Variants in GFM2 observed in about 807,000 individuals in gnomAD.
GFM2 encodes ribosome-releasing factor 2, mitochondrial.
In GFM2, 72 loss-of-function variants were observed where a neutral mutation model predicts 95.4. The ratio of observed to expected loss-of-function variants is 0.76; its 90% CI spans 0.62 to 0.92. The LOEUF (loss-of-function observed/expected upper bound fraction) is 0.92. GFM2 is among the 40% of genes least tolerant of loss of function. The pLI is 0.00. For synonymous variants in GFM2, 276 were observed against 317.5 expected, an observed-to-expected ratio of 0.87 and a Z score of 1.39; for missense variants, 825 against 924.1, an observed-to-expected ratio of 0.89 and a Z score of 1.39.
rs112221111 is a variant in GFM2, at chr5:74,742,672, CTT to C, written c.850-1065_850-1064del. Among the ~76,000 whole-genome samples the C allele has an allele frequency of 4.8e-5, 7 of 146,826 alleles. No homozygotes were observed. In the South Asian group the frequency reaches 1.1e-3, roughly 22 times the overall value. On this transcript the variant is annotated intron_variant, in intron 10 of 20. Transcript: ENST00000296805. ...ACAACATAAAGTTTACCATTGTACT[CTT>C]TTTTTTTTTTGATACGGAGTCTGGC...
At chr5:74,741,673 A>T (rs1322636159) in intron 10 of GFM2, 64 bp from the exon 11 acceptor site, 7 of 764,596 alleles carry the variant, frequency 9.2e-6, no homozygotes, top group Non-Finnish European at 1.5e-5. Context: ...TAATTTGTCC[A>T]AACACCATAA....
Position 74,721,511 on chromosome 5 carries a change from A to C in GFM2, c.*144T>G. 1 of 968,846 alleles carries C rather than the reference A, an allele frequency of 1.0e-6. No homozygotes were observed. The highest frequency in any genetic ancestry group is 2.4e-5 in the East Asian group (1 of 41,794). 60.0% of individuals were successfully genotyped at this position (968,846 alleles called of 1,614,324 possible). A position where few individuals can be genotyped will look rare whatever the true frequency, so the allele number is the denominator to read the frequency against. On this transcript the variant is annotated 3_prime_UTR_variant, in exon 21 of 21. Coordinates refer to ENST00000296805, the MANE Select transcript of GFM2 (RefSeq NM_032380.5). ...ACGGGTGGCTCCAGTGCCACTATCA[A>C]AGCTTAAGTTATATCTTTTATCTAG...
Position 74,745,758 on chromosome 5 carries a change from CAA to C in GFM2, c.767_768del (p.Phe256Ter). On this transcript the variant is annotated frameshift_variant, in exon 10 of 21. Coordinates refer to ENST00000296805, the MANE Select transcript of GFM2 (RefSeq NM_032380.5). LOFTEE classifies it high-confidence loss of function. ...TTCATTTCCAAGAGGGGCTTTCTCT[CAA>C]AGTCTTTTCCATCATTTGAATTGCA... ...WNCNSNDGKD[F>X]ERKPLLEMND... 3 of 1,613,882 alleles carry C rather than the reference CAA, an allele frequency of 1.9e-6. No homozygotes were observed. The highest frequency in any genetic ancestry group is 2.2e-5 in the South Asian group (2 of 91,074).
At chr5:74,722,771 T>C (rs988674960) in intron 19 of GFM2, 29 of 429,318 alleles carry the variant, frequency 6.8e-5, no homozygotes, top group Non-Finnish European at 1.1e-4. Context: ...TGCAAGGGGA[T>C]GTTTATAAAA....
intron 5 of GFM2, among the ~76,000 whole-genome samples, chr5:74,758,633 C>T (rs1744116633): frequency 6.6e-6 from 1 of 152,128 alleles, no homozygotes; most frequent in African/African-American, 2.4e-5. Flanking sequence ...GACGAGTGTC[C>T]AGTGGGGCCT....
chr5:74,721,854 T>C, intron 20 of GFM2, 71 bp from the exon 21 acceptor site: 2 of 1,434,580 alleles, frequency 1.4e-6, no homozygotes, highest in Non-Finnish European at 1.9e-6. Context: ...GCTGATTATC[T>C]TTTGACTATT....
chr5:74,748,919 A>AAATAAAATAAAAT lies in GFM2; in HGVS notation c.520-1140_520-1139insATTTTATTTTATT, dbSNP rs59669455. 3.1e-3 allele frequency among the ~76,000 whole-genome samples: 432 copies of AAATAAAATAAAAT among 137,176 alleles called. 5 individuals are homozygous for AAATAAAATAAAAT. Among genetic ancestry groups the AAATAAAATAAAAT allele is most frequent in the Non-Finnish European group, 5.4e-3 (353 of 65,430 alleles). 90.0% of individuals were successfully genotyped at this position (137,176 alleles called of 152,430 possible). ...TAAAATAAAATAAAATAAAAAAATA[A>AAATAAAATAAAAT]AAAAAAATAAAAAAAATAAAAAATA... On this transcript the variant is annotated intron_variant, in intron 7 of 20. Coordinates refer to ENST00000296805, the MANE Select transcript of GFM2 (RefSeq NM_032380.5).
intron 5 of GFM2, among the ~76,000 whole-genome samples, chr5:74,753,211 T>C (rs886297302): frequency 1.3e-5 from 2 of 152,056 alleles, no homozygotes; most frequent in Non-Finnish European, 2.9e-5. Context: ...CCAGCATAAA[T>C]AAACAATCAC....
intron 12 of GFM2, 56 bp from the exon 13 acceptor site, chr5:74,738,698 A>C: frequency 6.6e-7 from 1 of 1,510,830 alleles, no homozygotes; most frequent in Non-Finnish European, 9.0e-7. Flanking sequence ...TAACTGCAGA[A>C]ACTTAACCTT....
chr5:74,758,580 T>A (rs559858405), intron 5 of GFM2, among the ~76,000 whole-genome samples: 100 of 152,318 alleles, frequency 6.6e-4, no homozygotes, highest in African/African-American at 2.2e-3. Flanking sequence ...CTAATGCTGG[T>A]CTGTTGGTAA....
At position 74,767,043 on chromosome 5, in the gene GFM2, C is replaced by G; in HGVS notation, c.-130G>C. The G allele has an allele frequency of 3.2e-6, 1 of 312,012 alleles. No homozygotes were observed. The highest frequency in any genetic ancestry group is 6.1e-6 in the Non-Finnish European group (1 of 163,260). 19.3% of individuals were successfully genotyped at this position (312,012 alleles called of 1,614,324 possible). A position where few individuals can be genotyped will look rare whatever the true frequency, so the allele number is the denominator to read the frequency against. On this transcript the variant is annotated 5_prime_UTR_variant, in exon 1 of 21. Coordinates refer to ENST00000296805, the MANE Select transcript of GFM2 (RefSeq NM_032380.5). ...CAACGGCCTCAAGTCTCGACGCCAG[C>G]CTAGGCAAAAGGCAATGTATCTAAA...
At chr5:74,746,850 T>C (rs1295966082) in intron 8 of GFM2, among the ~76,000 whole-genome samples, 1 of 152,090 alleles carries the variant, frequency 6.6e-6, no homozygotes, top group African/African-American at 2.4e-5. Flanking sequence ...TTGAGGCTAG[T>C]ACATTTTAAA....
At position 74,759,431 on chromosome 5, in the gene GFM2, T is replaced by A. The variant is rs373744247; in HGVS notation, c.149-5A>T. On this transcript the variant is annotated splice_region_variant and splice_polypyrimidine_tract_variant and intron_variant, in intron 3 of 20. Coordinates refer to ENST00000296805, the MANE Select transcript of GFM2 (RefSeq NM_032380.5). ...TGATATCATTTCCTATTAAGCCTAA[T>A]GAAAAGAAAGTTAAAATTGAACTGT... 1 of 1,470,734 alleles carries A rather than the reference T, an allele frequency of 6.8e-7. No homozygotes were observed. Among genetic ancestry groups the A allele is most frequent in the African/African-American group, 1.4e-5 (1 of 70,414 alleles). 91.1% of individuals were successfully genotyped at this position (1,470,734 alleles called of 1,614,324 possible).
chr5:74,761,081 T>C lies in GFM2; in HGVS notation c.64-95A>G, dbSNP rs1006268763. 14 of 724,318 alleles carry C rather than the reference T, an allele frequency of 1.9e-5. No homozygotes were observed. In the African/African-American group the frequency reaches 2.3e-4, roughly 12 times the overall value. 44.9% of individuals were successfully genotyped at this position (724,318 alleles called of 1,614,324 possible). Reference sequence around the variant, plus strand: ...AATTACGCTTTGTCAGAAGATAAAATATTTTGTATAGCTTTAAAGTAGTCC... The same window carrying C: ...AATTACGCTTTGTCAGAAGATAAAACATTTTGTATAGCTTTAAAGTAGTCC... On this transcript the variant is annotated intron_variant, in intron 2 of 20. Coordinates refer to ENST00000296805, the MANE Select transcript of GFM2 (RefSeq NM_032380.5).
intron 5 of GFM2, among the ~76,000 whole-genome samples, chr5:74,757,579 G>T (rs1744053545): frequency 6.6e-6 from 1 of 151,572 alleles, no homozygotes; most frequent in South Asian, 2.1e-4. Context: ...AAATACAAAA[G>T]TTAGCCAAGT....
rs1743459140 is a variant in GFM2 at position 74,747,741 on chromosome 5, T to C, written c.559A>G (p.Asn187Asp). The C allele has an allele frequency of 1.2e-6, 2 of 1,612,504 alleles. No individual in the cohort carries two copies. The highest frequency in any genetic ancestry group is 1.7e-6 in the Non-Finnish European group (2 of 1,178,966). ...TTTAAAAAACAGATTCGAGGTATAT[T>C]GTGTTTATCAGCTTGCCTCCATACT... ...LTVWRQADKH[N>D]IPRICFLNKM... The change falls in exon 8 of 21, where the codon AAT (asparagine) becomes GAT (aspartate). Residue 187 changes from asparagine to aspartate, a missense_variant. Asn to Asp is a conservative substitution (Grantham distance 23, BLOSUM62 1). Coordinates refer to ENST00000296805, the MANE Select transcript of GFM2 (RefSeq NM_032380.5).
chr5:74,722,991 T>C (rs1486232750), intron 19 of GFM2, among the ~76,000 whole-genome samples: 1 of 152,144 alleles, frequency 6.6e-6, no homozygotes, highest in Non-Finnish European at 1.5e-5. Flanking sequence ...TAAAATCTTT[T>C]CTTATTTAGA....
intron 16 of GFM2, among the ~76,000 whole-genome samples, chr5:74,731,080 TG>T (rs1414047172): frequency 1.3e-5 from 2 of 152,136 alleles, no homozygotes; most frequent in African/African-American, 4.8e-5. Context: ...CCCAAAGAGG[TG>T]GGATTACAGG....
At chr5:74,739,270 T>A (rs1202058255) in intron 12 of GFM2, among the ~76,000 whole-genome samples, 1 of 152,162 alleles carries the variant, frequency 6.6e-6, no homozygotes, top group East Asian at 1.9e-4. Context: ...TCCCTCCAAT[T>A]TTTAACTTTA....
Sources: allele counts gnomAD v4.1 joint callset (sites outside exome capture counted in the v4.1 genomes callset), GRCh38; gene constraint gnomAD v4.1.1; transcripts MANE v1.5; gene names NCBI Gene and HGNC (gene_info 2026-07-23, HGNC 2026-07-21).